The following EVC variants were observed in gnomAD, a reference collection of about 807,000 sequenced individuals.
EVC encodes evC complex member EVC.
EVC carries 116 observed loss-of-function variants against 118.9 expected under a neutral mutation model. That is an observed-to-expected ratio of 0.98 (90% CI 0.84 to 1.14). The LOEUF (loss-of-function observed/expected upper bound fraction) is 1.14. Ranked by LOEUF, EVC falls within the 50% of genes most tolerant of loss-of-function variation. The probability of loss-of-function intolerance (pLI) is 0.00; values close to 1 mark genes in which losing one functional copy is unlikely to be tolerated. For synonymous variants in EVC, 619 were observed against 534.7 expected (o/e 1.16, Z -2.18); for missense variants, 1,401 against 1,246.4 (o/e 1.12, Z -1.87).
Position 5,738,841 on chromosome 4 carries a change from C to T in EVC, c.703-2875C>T, listed in dbSNP as rs112090501. On this transcript the variant is annotated intron_variant, in intron 5 of 20. Coordinates refer to ENST00000264956, the MANE Select transcript of EVC (RefSeq NM_153717.3). The surrounding 1 kb of genome is among the most constrained non-coding windows in gnomAD (Gnocchi z 6.5). ...TCCGCCTCCCAAAGTGCTGGGATTA[C>T]GGGTGTGAGCCACCGCACCCAGCCC... Among the ~76,000 whole-genome samples, 25,942 of 152,010 alleles carry T rather than the reference C, an allele frequency of 0.17. 2,553 individuals carry two copies. Among genetic ancestry groups the T allele is most frequent in the Non-Finnish European group, 0.22 (15,045 of 67,966 alleles).
In EVC at chr4:5,809,784, G is replaced by T. The variant is rs113039000; in HGVS notation, c.2782+173G>T. ...CAGGCTTGGCTAGGCCACCCCTCAG[G>T]CCCACTTGCTCTCTAGCATTTGATA... On this transcript the variant is annotated intron_variant, in intron 19 of 20. Coordinates refer to ENST00000264956, the MANE Select transcript of EVC (RefSeq NM_153717.3). Among the ~76,000 whole-genome samples the T allele has an allele frequency of 0.062, 9,432 of 152,174 alleles. 448 individuals are homozygous for T. The highest frequency in any genetic ancestry group is 0.12 in the African/African-American group (5,144 of 41,494).
chr4:5,784,887 C>T (rs1162652061), intron 12 of EVC, among the ~76,000 whole-genome samples: 2 of 152,254 alleles, frequency 1.3e-5, no homozygotes, highest in African/African-American at 4.8e-5. Flanking sequence ...GGATTACAGG[C>T]ATGAGCCACT....
chr4:5,783,626 G>T lies in EVC; in HGVS notation c.1638G>T (p.Met546Ile), dbSNP rs1225766769. 1 of 1,614,060 alleles carries T rather than the reference G, an allele frequency of 6.2e-7. No individual in the cohort carries two copies. Among genetic ancestry groups the T allele is most frequent in the African/African-American group, 1.3e-5 (1 of 74,918 alleles). Residue 546 changes from methionine to isoleucine, a missense_variant, in exon 12 of 21, where the codon ATG becomes ATT. Transcript: ENST00000264956. Reference sequence around the variant, plus strand: ...TGTTCCTTCAGACGCTCCCTGGCATGACTGGCCTCCCCCCGGAAGAGTGTG... The same window carrying T: ...TGTTCCTTCAGACGCTCCCTGGCATTACTGGCCTCCCCCCGGAAGAGTGTG... Reference protein sequence around the residue: ...DALFLQTLPGMTGLPPEECDY... With the variant: ...DALFLQTLPGITGLPPEECDY...
chr4:5,800,845 G>A (rs1467588691), intron 15 of EVC, among the ~76,000 whole-genome samples: 2 of 93,992 alleles, frequency 2.1e-5, no homozygotes, highest in South Asian at 4.0e-4. Flanking sequence ...AGTCACCTCC[G>A]CAGCCTCCGC....
chr4:5,714,814 G>A (rs10028839), intron 1 of EVC, among the ~76,000 whole-genome samples: 126,058 of 152,016 alleles, frequency 0.83, 52,553 homozygotes, highest in African/African-American at 0.91. Flanking sequence ...TTTGTTTTTT[G>A]TTTTGTTTGA....
rs368718470 is a variant in EVC, at chr4:5,782,575, GC to G, written c.1564-976del. The stretch of plus-strand genomic sequence containing the variant: ...AAAAAAAAAAAAAAAAAAGATGTGA[GC>G]GGTGGATTCACAGGTGTTTAATATT... On this transcript the variant is annotated intron_variant, in intron 11 of 20. Transcript: ENST00000264956. Among the ~76,000 whole-genome samples, 341 of 147,044 alleles carry G rather than the reference GC, an allele frequency of 2.3e-3. 3 individuals are homozygous for G. Among genetic ancestry groups the G allele is most frequent in the African/African-American group, 8.0e-3 (317 of 39,618 alleles).
At chr4:5,791,645 G>T (rs543726771) in intron 12 of EVC, among the ~76,000 whole-genome samples, 1 of 151,974 alleles carries the variant, frequency 6.6e-6, no homozygotes, top group Non-Finnish European at 1.5e-5. Context: ...GAAAAGAATA[G>T]CCCCTCCCAT....
intron 3 of EVC, among the ~76,000 whole-genome samples, chr4:5,730,251 A>C (rs2151925889): frequency 6.6e-6 from 1 of 152,316 alleles, no homozygotes; most frequent in Non-Finnish European, 1.5e-5. Context: ...ACATCTGAGC[A>C]CTCACAACAT....
At position 5,746,759 on chromosome 4, in the gene EVC, A is replaced by G. The variant is rs1177356895; in HGVS notation, c.940-1389A>G. ...AAAAATGGTGACCTCTGGCCTAGAA[A>G]TGGTGTGTAAAATGGGAAGAGAAAA... On this transcript the variant is annotated intron_variant, in intron 7 of 20. Transcript: ENST00000264956. The surrounding 1 kb of genome is among the most constrained non-coding windows in gnomAD (Gnocchi z 5.8). Among the ~76,000 whole-genome samples, 2 of 152,160 alleles carry G rather than the reference A, an allele frequency of 1.3e-5. No individual in the cohort carries two copies. Among genetic ancestry groups the G allele is most frequent in the Non-Finnish European group, 2.9e-5 (2 of 68,026 alleles).
chr4:5,806,085 C>CT (rs113680421), intron 17 of EVC, among the ~76,000 whole-genome samples: 16,297 of 144,466 alleles, frequency 0.11, 1,013 homozygotes, highest in South Asian at 0.16. Context: ...CTTCCACTCT[C>CT]TTTTTTTTTT....
At chr4:5,800,664 C>T (rs550628130) in intron 15 of EVC, among the ~76,000 whole-genome samples, 1 of 152,056 alleles carries the variant, frequency 6.6e-6, no homozygotes. Context: ...TGGGAGCTCC[C>T]GACAGGAAGT....
intron 11 of EVC, among the ~76,000 whole-genome samples, chr4:5,761,373 C>A (rs1442295140): frequency 6.6e-6 from 1 of 151,908 alleles, no homozygotes; most frequent in Non-Finnish European, 1.5e-5. Flanking sequence ...GTGTCACAAT[C>A]AATCGAGGTT....
chr4:5,770,877 G>A lies in EVC; in HGVS notation c.1564-12675G>A, dbSNP rs911183297. Among the ~76,000 whole-genome samples the A allele has an allele frequency of 5.3e-5, 8 of 151,956 alleles. No homozygotes were observed. In the South Asian group the frequency reaches 1.2e-3, roughly 24 times the overall value. On this transcript the variant is annotated intron_variant, in intron 11 of 20. Coordinates refer to ENST00000264956, the MANE Select transcript of EVC (RefSeq NM_153717.3). ...AAATAACACAAATTAGCCAGGTGTC[G>A]TGGGGTGTGCCTGTAATCCCAGCTA... is the stretch of plus-strand genomic sequence containing the variant.
intron 17 of EVC, among the ~76,000 whole-genome samples, chr4:5,805,250 G>A (rs1004321703): frequency 3.3e-5 from 5 of 152,170 alleles, no homozygotes; most frequent in African/African-American, 4.8e-5. Context: ...GTGAGGAAGA[G>A]GTGGCTGCTT....
At chr4:5,736,646 C>T (rs1204731028) in intron 5 of EVC, among the ~76,000 whole-genome samples, 1 of 151,950 alleles carries the variant, frequency 6.6e-6, no homozygotes, top group African/African-American at 2.4e-5. Context: ...ATATTTCAAA[C>T]TTATTCACTA....
rs964785966 is a variant in EVC, at chr4:5,755,879, G to C, written c.1465-385G>C. Among the ~76,000 whole-genome samples the C allele has an allele frequency of 1.3e-5, 2 of 152,168 alleles. No homozygotes were observed. Among genetic ancestry groups the C allele is most frequent in the African/African-American group, 4.8e-5 (2 of 41,444 alleles). On this transcript the variant is annotated intron_variant, in intron 10 of 20. Transcript: ENST00000264956. The surrounding 1 kb of genome is among the most constrained non-coding windows in gnomAD (Gnocchi z 4.1). Reference sequence around the variant, plus strand: ...AGTGGGGCCTGGCTGGTTGCTGACTGCACTGACCTCCAATCGCCAGTCTGT... The same window carrying C: ...AGTGGGGCCTGGCTGGTTGCTGACTCCACTGACCTCCAATCGCCAGTCTGT...
chr4:5,799,765 G>A (rs1194880894), intron 15 of EVC, among the ~76,000 whole-genome samples: 2 of 152,194 alleles, frequency 1.3e-5, no homozygotes, highest in Admixed American at 6.5e-5. Flanking sequence ...TTGCGTGTCT[G>A]TGCAGCAAAG....
At chr4:5,797,546 T>G (rs1184937730) in intron 14 of EVC, 1 of 498,586 alleles carries the variant, frequency 2.0e-6, no homozygotes, top group African/African-American at 1.9e-5. Flanking sequence ...CCTTCCTCTG[T>G]GGGTGTCCCA....
At chr4:5,818,794 A>C (rs1327209651), downstream of EVC, among the ~76,000 whole-genome samples, 2 of 152,226 alleles carry the variant, frequency 1.3e-5, no homozygotes, top group Non-Finnish European at 2.9e-5. Context: ...AGTCTGTAAG[A>C]AATGAATTCC....
Sources: allele counts gnomAD v4.1 joint callset (sites outside exome capture counted in the v4.1 genomes callset), GRCh38; gene constraint gnomAD v4.1.1; non-coding constraint Gnocchi (gnomAD v3.1); transcripts MANE v1.5; gene names NCBI Gene and HGNC (gene_info 2026-07-23, HGNC 2026-07-21).